The following TMEFF2 variants were observed in gnomAD, a reference collection of about 807,000 sequenced individuals.
TMEFF2 encodes transmembrane protein with EGF like and two follistatin like domains 2.
A neutral mutation model predicts 53.8 loss-of-function variants in TMEFF2; 28 were observed. The observed-to-expected ratio is 0.52, with a 90% CI of 0.39 to 0.71. TMEFF2 has a LOEUF of 0.71. Among genes scored for constraint, TMEFF2 ranks in the 30% least tolerant of loss-of-function variants. The pLI, the probability that TMEFF2 is intolerant of heterozygous loss-of-function variation, is 0.00. For synonymous variants in TMEFF2, 162 were observed against 166.3 expected (o/e 0.97, Z 0.20); for missense variants, 353 against 455.2 (o/e 0.78, Z 2.04).
chr2:192,052,164 G>C (rs1687787852), intron 5 of TMEFF2, among the ~76,000 whole-genome samples: 1 of 152,162 alleles, frequency 6.6e-6, no homozygotes, highest in African/African-American at 2.4e-5. Context: ...TACATATAAA[G>C]CAAATATACC....
chr2:192,075,305 ATAT>A (rs1559115063), intron 4 of TMEFF2, among the ~76,000 whole-genome samples: 23 of 27,982 alleles, frequency 8.2e-4, no homozygotes, highest in Admixed American at 1.5e-3. Context: ...ATATATATAT[ATAT>A]ATATATATAT....
chr2:191,996,495 TTTG>T (rs1384737327), intron 7 of TMEFF2, among the ~76,000 whole-genome samples: 1 of 151,990 alleles, frequency 6.6e-6, no homozygotes, highest in South Asian at 2.1e-4. Flanking sequence ...ACAATTTAAA[TTTG>T]TTTTCATTTA....
intron 3 of TMEFF2, among the ~76,000 whole-genome samples, chr2:192,183,144 G>A (rs1232664242): frequency 1.3e-5 from 2 of 151,940 alleles, no homozygotes; most frequent in African/African-American, 2.4e-5. Flanking sequence ...AATCCCTTAG[G>A]AGAAAAGACT....
chr2:192,113,748 C>T (rs774338400), intron 4 of TMEFF2, among the ~76,000 whole-genome samples: 12 of 152,088 alleles, frequency 7.9e-5, no homozygotes, highest in Non-Finnish European at 1.3e-4. Flanking sequence ...CTGGCAGTTG[C>T]TCAAAAGCAG....
intron 4 of TMEFF2, among the ~76,000 whole-genome samples, chr2:192,099,525 C>T (rs191341069): frequency 1.3e-5 from 2 of 151,998 alleles, no homozygotes; most frequent in African/African-American, 2.4e-5. Context: ...TTTTCTAAAC[C>T]CTTGAACTCA....
chr2:192,089,147 A>C (rs1288494415), intron 4 of TMEFF2, among the ~76,000 whole-genome samples: 1 of 152,018 alleles, frequency 6.6e-6, no homozygotes, highest in Non-Finnish European at 1.5e-5. Context: ...TTTTTCACTG[A>C]ATTAGGGTAC....
At position 191,952,769 on chromosome 2, in the gene TMEFF2, ACTTT is replaced by A. The variant is rs139665074; in HGVS notation, c.1028+906_1028+909del. Reference sequence around the variant, plus strand: ...GACCCTTATTTTCTAAAGATACGATACTTTCTTTTATTTTTGTATCTGTTCAAAA... The same window carrying A: ...GACCCTTATTTTCTAAAGATACGATACTTTTATTTTTGTATCTGTTCAAAA... On this transcript the variant is annotated intron_variant, in intron 9 of 9. Coordinates refer to ENST00000272771, the MANE Select transcript of TMEFF2 (RefSeq NM_016192.4). 7.4e-3 allele frequency among the ~76,000 whole-genome samples: 1,134 copies of A among 152,300 alleles called. 15 individuals are homozygous for A. Among genetic ancestry groups the A allele is most frequent in the African/African-American group, 0.026 (1,071 of 41,570 alleles).
chr2:192,102,623 G>GTT (rs1397249121), intron 4 of TMEFF2, among the ~76,000 whole-genome samples: 8 of 65,352 alleles, frequency 1.2e-4, no homozygotes, highest in African/African-American at 4.0e-4. Context: ...TTCTTTTCTT[G>GTT]TTCTTTTTTT....
chr2:192,028,649 G>A (rs1306467869), intron 5 of TMEFF2: 1 of 152,058 alleles, frequency 6.6e-6, no homozygotes, highest in Non-Finnish European at 1.5e-5. Context: ...AAGGTAGGCA[G>A]AGTTGGTAGA....
At chr2:192,181,631 GTCAGGAA>G (rs1691187098) in intron 3 of TMEFF2, among the ~76,000 whole-genome samples, 1 of 151,790 alleles carries the variant, frequency 6.6e-6, no homozygotes, top group African/African-American at 2.4e-5. Context: ...CTTAAGCACT[GTCAGGAA>G]CATAATAATT....
At chr2:192,138,515 C>T (rs1289577903) in intron 4 of TMEFF2, among the ~76,000 whole-genome samples, 3 of 152,220 alleles carry the variant, frequency 2.0e-5, no homozygotes, top group Admixed American at 1.3e-4. Flanking sequence ...CCTGAATTCA[C>T]TTTTCTAATA....
intron 5 of TMEFF2, among the ~76,000 whole-genome samples, chr2:192,019,453 T>C (rs543715236): frequency 5.3e-4 from 81 of 152,164 alleles, no homozygotes; most frequent in African/African-American, 1.8e-3. Flanking sequence ...CCACATTGCA[T>C]ACCAGGAAAT....
intron 4 of TMEFF2, among the ~76,000 whole-genome samples, chr2:192,112,832 C>T (rs773611087): frequency 6.6e-6 from 1 of 152,128 alleles, no homozygotes; most frequent in Non-Finnish European, 1.5e-5. Flanking sequence ...CTCATGAGAC[C>T]TGATGGTTTT....
chr2:192,189,593 G>A (rs1297971119), intron 2 of TMEFF2, among the ~76,000 whole-genome samples: 1 of 133,830 alleles, frequency 7.5e-6, no homozygotes, highest in African/African-American at 2.8e-5. Context: ...TACCTGAAAA[G>A]GCAGCAGAGA....
chr2:192,108,506 T>C (rs1295796755), intron 4 of TMEFF2, among the ~76,000 whole-genome samples: 2 of 151,936 alleles, frequency 1.3e-5, no homozygotes, highest in Non-Finnish European at 2.9e-5. Context: ...CGTTAACACA[T>C]TGCAACAAAT....
intron 7 of TMEFF2, among the ~76,000 whole-genome samples, chr2:191,974,645 T>C (rs1451972528): frequency 6.6e-6 from 1 of 152,202 alleles, no homozygotes; most frequent in Non-Finnish European, 1.5e-5. Flanking sequence ...GCTTAGTTTA[T>C]GCAAATGGCA....
intron 4 of TMEFF2, among the ~76,000 whole-genome samples, chr2:192,162,497 A>C (rs534103874): frequency 6.6e-6 from 1 of 152,306 alleles, no homozygotes; most frequent in South Asian, 2.1e-4. Flanking sequence ...AGGGGGAAAT[A>C]ACTTCTATTC....
intron 9 of TMEFF2, among the ~76,000 whole-genome samples, chr2:191,952,264 G>C (rs1691909075): frequency 6.6e-6 from 1 of 152,120 alleles, no homozygotes; most frequent in Non-Finnish European, 1.5e-5. Flanking sequence ...TATTTCTGTT[G>C]CTTTTATTAT....
chr2:192,081,583 G>A (rs997889171), intron 4 of TMEFF2, among the ~76,000 whole-genome samples: 1 of 152,022 alleles, frequency 6.6e-6, no homozygotes, highest in Non-Finnish European at 1.5e-5. Flanking sequence ...AATGCCAGAG[G>A]GTGAGGGATG....
Sources: gnomAD v4.1 joint callset for allele counts (sites outside exome capture counted in the v4.1 genomes callset) on GRCh38, gnomAD v4.1.1 for gene constraint, MANE v1.5 for transcripts, NCBI Gene and HGNC (gene_info 2026-07-23, HGNC 2026-07-21) for gene names.